Variants in KCNK10 observed in about 807,000 individuals in gnomAD.
KCNK10 encodes the protein potassium channel subfamily K member 10.
KCNK10 carries 25 observed loss-of-function variants against 47.7 expected under a neutral mutation model. The ratio of observed to expected loss-of-function variants is 0.52; its 90% confidence interval spans 0.38 to 0.73. The LOEUF (loss-of-function observed/expected upper bound fraction) is 0.73. KCNK10 is among the 30% of genes least tolerant of loss of function. The pLI is 0.00. For synonymous variants in KCNK10, 303 were observed against 285.6 expected (o/e 1.06, Z -0.61); for missense variants, 563 against 714.5 (o/e 0.79, Z 2.42).
chr14:88,261,055 G>T (rs1887096407), intron 2 of KCNK10, among the ~76,000 whole-genome samples: 1 of 152,202 alleles, frequency 6.6e-6, no homozygotes, highest in African/African-American at 2.4e-5. Context: ...AGCTCAGATA[G>T]CTTGTGACAT....
At chr14:88,221,344 C>T (rs1243641068) in intron 4 of KCNK10, among the ~76,000 whole-genome samples, 2 of 140,836 alleles carry the variant, frequency 1.4e-5, no homozygotes, top group African/African-American at 3.0e-5. Flanking sequence ...ACACATTATA[C>T]ATTAAATCTC....
chr14:88,251,236 A>AG (rs1420891445), intron 2 of KCNK10, among the ~76,000 whole-genome samples: 3 of 150,688 alleles, frequency 2.0e-5, no homozygotes, highest in East Asian at 3.9e-4. Context: ...CTGTCTCAAA[A>AG]AAAAAAAAAA....
rs1374321298 is a variant in KCNK10 at position 88,322,701 on chromosome 14, G to T, written c.52+46C>A. ...CCACTCAAGGAAGCGCGCACACGCC[G>T]GAGACAGAGGCAGGGCGAGGGCAGC... On this transcript the variant is annotated intron_variant, in intron 1 of 6. Coordinates refer to ENST00000319231, the MANE Select transcript of KCNK10 (RefSeq NM_138317.3). This position sits in a 1 kb window ranked among gnomAD's most constrained non-coding sequence, Gnocchi z 4.8. The T allele has an allele frequency of 6.2e-7, 1 of 1,612,364 alleles. No homozygotes were observed.
In KCNK10 at chr14:88,263,466, CGGAGTT is replaced by C; in HGVS notation, c.132_137del (p.Thr45_Pro46del). On this transcript the variant is annotated inframe_deletion, in exon 2 of 7. Transcript: ENST00000319231. ...TGGCTCGGGAGGAAATGGACAGGCGCGGAGTTGGAGTCGGAGCCGGAGCCGGGGGTT... is the reference window on the plus strand; with the variant it reads ...TGGCTCGGGAGGAAATGGACAGGCGCGGAGTCGGAGCCGGAGCCGGGGGTT... 6.2e-7 allele frequency: 1 copy of C among 1,614,056 alleles called. No individual in the cohort carries two copies. Among genetic ancestry groups the C allele is most frequent in the Non-Finnish European group, 8.5e-7 (1 of 1,180,034 alleles).
intron 1 of KCNK10, among the ~76,000 whole-genome samples, chr14:88,312,116 C>T (rs1270283676): frequency 2.0e-5 from 3 of 152,068 alleles, no homozygotes; most frequent in Non-Finnish European, 2.9e-5. Flanking sequence ...CTCAAGTCCA[C>T]GGTGCTACTC....
At chr14:88,251,868 T>A (rs1285299656) in intron 2 of KCNK10, among the ~76,000 whole-genome samples, 2 of 152,182 alleles carry the variant, frequency 1.3e-5, no homozygotes, top group African/African-American at 4.8e-5. Context: ...TGTTGCTTCC[T>A]CCCATCCAGG....
chr14:88,318,298 T>C (rs1048970411), intron 1 of KCNK10, among the ~76,000 whole-genome samples: 4 of 152,240 alleles, frequency 2.6e-5, no homozygotes, highest in Admixed American at 1.3e-4. Context: ...CAAAGGGTTA[T>C]TGAGTGCCAG....
chr14:88,288,044 G>T (rs1430826170), intron 1 of KCNK10, among the ~76,000 whole-genome samples: 1 of 152,036 alleles, frequency 6.6e-6, no homozygotes, highest in Non-Finnish European at 1.5e-5. Context: ...TCTTGCAGGG[G>T]TAAGGCAGTA....
intron 4 of KCNK10, among the ~76,000 whole-genome samples, chr14:88,216,223 G>A (rs994482251): frequency 2.0e-5 from 3 of 152,138 alleles, no homozygotes; most frequent in African/African-American, 4.8e-5. Flanking sequence ...TCGGAATGGC[G>A]CTAGCACTGA....
chr14:88,209,806 G>A (rs372591822), intron 4 of KCNK10, among the ~76,000 whole-genome samples: 22 of 152,244 alleles, frequency 1.4e-4, no homozygotes, highest in East Asian at 3.9e-4. Context: ...GACCTGGTTC[G>A]TGTCTCTCTC....
chr14:88,199,726 C>T (rs575669177), intron 4 of KCNK10, among the ~76,000 whole-genome samples: 14 of 152,206 alleles, frequency 9.2e-5, no homozygotes, highest in Admixed American at 6.5e-4. Context: ...CATATGATCC[C>T]TATCCCCACT....
intron 1 of KCNK10, among the ~76,000 whole-genome samples, chr14:88,309,376 C>T (rs575564564): frequency 6.6e-6 from 1 of 152,192 alleles, no homozygotes; most frequent in Non-Finnish European, 1.5e-5. Flanking sequence ...CCGAGGTAGG[C>T]GGATTGCTTG....
intron 2 of KCNK10, among the ~76,000 whole-genome samples, chr14:88,247,672 C>T (rs1886683151): frequency 6.6e-6 from 1 of 152,184 alleles, no homozygotes; most frequent in Admixed American, 6.5e-5. Flanking sequence ...CCAGGATGGG[C>T]TAGCATGCTT....
chr14:88,227,092 T>C (rs1886010247), intron 4 of KCNK10, among the ~76,000 whole-genome samples: 1 of 152,230 alleles, frequency 6.6e-6, no homozygotes, highest in Non-Finnish European at 1.5e-5. Flanking sequence ...AAGGAGAAAC[T>C]GAACTTGTCT....
intron 1 of KCNK10, among the ~76,000 whole-genome samples, chr14:88,300,404 T>TCAGCAAAGACTATGCA (rs1888068836): frequency 6.6e-6 from 1 of 152,224 alleles, no homozygotes. Flanking sequence ...CACTCTGAAC[T>TCAGCAAAGACTATGCA]CAGCAAAGGC....
At chr14:88,201,276 G>T (rs894405707) in intron 4 of KCNK10, among the ~76,000 whole-genome samples, 1 of 152,194 alleles carries the variant, frequency 6.6e-6, no homozygotes, top group African/African-American at 2.4e-5. Flanking sequence ...ATGCATACAT[G>T]ATTCATTTCC....
chr14:88,300,152 A>G (rs1215351646), intron 1 of KCNK10, among the ~76,000 whole-genome samples: 3 of 152,044 alleles, frequency 2.0e-5, no homozygotes, highest in Non-Finnish European at 4.4e-5. Context: ...AGCCCTTTCT[A>G]TCCCTTGAGC....
At chr14:88,292,262 C>CG (rs1566716421) in intron 1 of KCNK10, among the ~76,000 whole-genome samples, 1 of 152,204 alleles carries the variant, frequency 6.6e-6, no homozygotes, top group African/African-American at 2.4e-5. Context: ...CCACGGCCCC[C>CG]GCCTTCCCTT....
At position 88,198,572 on chromosome 14, in the gene KCNK10, A is replaced by G. The variant is rs116767113; in HGVS notation, c.682-6162T>C. On this transcript the variant is annotated intron_variant, in intron 4 of 6. Transcript: ENST00000319231. The stretch of plus-strand genomic sequence containing the variant: ...ACTGGCTAACAAGGTGTAAGGGCAC[A>G]GTTCCCTGGCTAAGCAGTGCACAGG... Among the ~76,000 whole-genome samples, 959 of 152,376 alleles carry G rather than the reference A, an allele frequency of 6.3e-3. 8 individuals are homozygous for G. Among genetic ancestry groups the G allele is most frequent in the African/African-American group, 0.022 (919 of 41,592 alleles).
Sources: gnomAD v4.1 joint callset for allele counts (sites outside exome capture counted in the v4.1 genomes callset) on GRCh38, gnomAD v4.1.1 for gene constraint, Gnocchi (gnomAD v3.1) non-coding constraint, MANE v1.5 for transcripts, NCBI Gene and HGNC (gene_info 2026-07-23, HGNC 2026-07-21) for gene names.